The following DERA variants were observed in gnomAD, a reference collection of about 807,000 sequenced individuals.
The protein encoded by DERA is deoxyribose-phosphate aldolase.
Under a neutral mutation model 41.1 loss-of-function variants are expected in DERA, and 15 were observed. That is an observed-to-expected ratio of 0.37 (90% confidence interval 0.24 to 0.56). DERA has a LOEUF of 0.56. DERA is among the 20% of genes least tolerant of loss of function. The pLI, the probability that DERA is intolerant of heterozygous loss-of-function variation, is 0.81. For missense variants in DERA, 396 were observed against 403.4 expected (o/e 0.98, Z 0.16); for synonymous variants, 139 against 137.4 (o/e 1.01, Z -0.08).
intron 4 of DERA, 30 bp from the exon 5 acceptor site, chr12:15,962,782 CT>C (rs1948596865): frequency 1.1e-5 from 17 of 1,516,648 alleles, no homozygotes; most frequent in Non-Finnish European, 1.4e-5. Flanking sequence ...CTCCTTCCCT[CT>C]TTCTTCATTT....
In DERA at chr12:15,996,784, T is replaced by C. The variant is rs1428742661; in HGVS notation, c.637+14348T>C. 6.6e-6 allele frequency among the ~76,000 whole-genome samples: 1 copy of C among 152,196 alleles called. No homozygotes were observed. Among genetic ancestry groups the C allele is most frequent in the Admixed American group, 6.5e-5 (1 of 15,278 alleles). On this transcript the variant is annotated intron_variant, in intron 6 of 8. Transcript: ENST00000428559. This position sits in a 1 kb window ranked among gnomAD's most constrained non-coding sequence, Gnocchi z 4.7. ...AGAAGTTAGAGAAAAATATTTTGAC[T>C]CAAACCCAGCAAACTTGAATTCAGG...
At position 15,938,959 on chromosome 12, in the gene DERA, G is replaced by T. The variant is rs1376008096; in HGVS notation, c.32-17977G>T. On this transcript the variant is annotated intron_variant, in intron 1 of 8. Coordinates refer to ENST00000428559, the MANE Select transcript of DERA (RefSeq NM_015954.4). The surrounding 1 kb of genome is among the most constrained non-coding windows in gnomAD (Gnocchi z 4.1). ...TCTCCAGAGATGGACCACGTCTCTGGTATTGATGCCTTTGTGTAGTCCTGT... is the reference window on the plus strand; with the variant it reads ...TCTCCAGAGATGGACCACGTCTCTGTTATTGATGCCTTTGTGTAGTCCTGT... Among the ~76,000 whole-genome samples the T allele has an allele frequency of 6.6e-6, 1 of 152,162 alleles. No individual in the cohort carries two copies. Among genetic ancestry groups the T allele is most frequent in the Non-Finnish European group, 1.5e-5 (1 of 68,032 alleles).
At chr12:16,029,911 G>GTTTTTT (rs1225412717) in intron 6 of DERA, among the ~76,000 whole-genome samples, 1 of 67,916 alleles carries the variant, frequency 1.5e-5, no homozygotes, top group Non-Finnish European at 3.6e-5. Context: ...TGTAGCCTTG[G>GTTTTTT]TCTTTTTTTT....
In DERA at chr12:15,940,953, A is replaced by G. The variant is rs1266321789; in HGVS notation, c.32-15983A>G. 6.6e-6 allele frequency among the ~76,000 whole-genome samples: 1 copy of G among 152,200 alleles called. No homozygotes were observed. Among genetic ancestry groups the G allele is most frequent in the Non-Finnish European group, 1.5e-5 (1 of 68,042 alleles). On this transcript the variant is annotated intron_variant, in intron 1 of 8. Coordinates refer to ENST00000428559, the MANE Select transcript of DERA (RefSeq NM_015954.4). This position sits in a 1 kb window ranked among gnomAD's most constrained non-coding sequence, Gnocchi z 5.1. ...AAATGTTGAAAAACATTTTGTGCAA[A>G]TTGCAGATAATCAACTTTCCTGAGA...
rs1948270290 is a variant in DERA at position 15,924,828 on chromosome 12, C to G, written c.31+13414C>G. On this transcript the variant is annotated intron_variant, in intron 1 of 8. Transcript: ENST00000428559. This position sits in a 1 kb window ranked among gnomAD's most constrained non-coding sequence, Gnocchi z 5.0. ...AACACTGATCTGCTAAGATACTTTG[C>G]CTTCTTTTATGGTACCTACCAATTT... Among the ~76,000 whole-genome samples, 1 of 152,142 alleles carries G rather than the reference C, an allele frequency of 6.6e-6. No homozygotes were observed. The highest frequency in any genetic ancestry group is 2.4e-5 in the African/African-American group (1 of 41,430).
rs1948625920 is a variant in DERA at position 15,966,736 on chromosome 12, G to A, written c.508+3789G>A. Among the ~76,000 whole-genome samples, 1 of 151,960 alleles carries A rather than the reference G, an allele frequency of 6.6e-6. No homozygotes were observed. Among genetic ancestry groups the A allele is most frequent in the South Asian group, 2.1e-4 (1 of 4,800 alleles). On this transcript the variant is annotated intron_variant, in intron 5 of 8. Transcript: ENST00000428559. This position sits in a 1 kb window ranked among gnomAD's most constrained non-coding sequence, Gnocchi z 5.1. ...ATTTGCAAGCTCCTTCACCTCCTCT[G>A]TCATCCCTGAAGTGTCCATGTTTCT...
At chr12:15,912,917 A>G (rs1036607955) in intron 1 of DERA, among the ~76,000 whole-genome samples, 2 of 152,180 alleles carry the variant, frequency 1.3e-5, no homozygotes, top group South Asian at 2.1e-4. Context: ...CTAGCTGATT[A>G]TGTTTTAAAC....
At chr12:15,975,329 G>T (rs1356634553) in intron 5 of DERA, among the ~76,000 whole-genome samples, 1 of 152,124 alleles carries the variant, frequency 6.6e-6, no homozygotes, top group Non-Finnish European at 1.5e-5. Flanking sequence ...ATTAGTTTTT[G>T]GGTGGGGGCC....
At position 15,992,099 on chromosome 12, in the gene DERA, C is replaced by T. The variant is rs1374401845; in HGVS notation, c.637+9663C>T. On this transcript the variant is annotated intron_variant, in intron 6 of 8. Coordinates refer to ENST00000428559, the MANE Select transcript of DERA (RefSeq NM_015954.4). The surrounding 1 kb of genome is among the most constrained non-coding windows in gnomAD (Gnocchi z 4.3). ...TTTTTTTTTTCAAAACTGTGCTCTT[C>T]CCTGGGCTAAGGACCACACCTTCCT... Among the ~76,000 whole-genome samples, 1 of 149,822 alleles carries T rather than the reference C, an allele frequency of 6.7e-6. No individual in the cohort carries two copies. Among genetic ancestry groups the T allele is most frequent in the African/African-American group, 2.5e-5 (1 of 40,550 alleles).
In DERA at chr12:15,945,659, G is replaced by A. The variant is rs368086385; in HGVS notation, c.32-11277G>A. Among the ~76,000 whole-genome samples, 1,447 of 152,212 alleles carry A rather than the reference G, an allele frequency of 9.5e-3. 28 individuals carry two copies. The highest frequency in any genetic ancestry group is 0.033 in the African/African-American group (1,351 of 41,544). ...GATGGGGTTTTCTAGATATACAATC[G>A]TGTCATCTGCAAACAGGTACAATTT... On this transcript the variant is annotated intron_variant, in intron 1 of 8. Transcript: ENST00000428559.
chr12:15,994,553 A>G lies in DERA; in HGVS notation c.637+12117A>G, dbSNP rs1218450682. 6.6e-6 allele frequency among the ~76,000 whole-genome samples: 1 copy of G among 152,188 alleles called. No individual in the cohort carries two copies. Among genetic ancestry groups the G allele is most frequent in the Admixed American group, 6.5e-5 (1 of 15,278 alleles). On this transcript the variant is annotated intron_variant, in intron 6 of 8. Transcript: ENST00000428559. This position sits in a 1 kb window ranked among gnomAD's most constrained non-coding sequence, Gnocchi z 4.8. ...ACTGCAAGCTCTGCCTCCCGGGTTC[A>G]CGCCATTCTCCTGCCTCAGCCTCCT...
intron 1 of DERA, chr12:15,951,520 TA>T (rs1948497349): frequency 6.6e-6 from 1 of 152,232 alleles, no homozygotes; most frequent in East Asian, 1.9e-4. Flanking sequence ...TTACCTACTG[TA>T]GTCTGCCTTT....
Position 15,995,012 on chromosome 12 carries a change from CTGAG to C in DERA, c.637+12578_637+12581del, listed in dbSNP as rs1329639297. Among the ~76,000 whole-genome samples the C allele has an allele frequency of 2.0e-5, 3 of 152,190 alleles. No individual in the cohort carries two copies. Among genetic ancestry groups the C allele is most frequent in the Non-Finnish European group, 4.4e-5 (3 of 68,034 alleles). The stretch of plus-strand genomic sequence containing the variant: ...TAAGTGAATAGACCAAGGCCACACA[CTGAG>C]TAAGTGGCAGAATTTTCTGAAGGAC... On this transcript the variant is annotated intron_variant, in intron 6 of 8. Coordinates refer to ENST00000428559, the MANE Select transcript of DERA (RefSeq NM_015954.4). The surrounding 1 kb of genome is among the most constrained non-coding windows in gnomAD (Gnocchi z 5.1).
At chr12:16,023,456 G>GA (rs1299712709) in intron 6 of DERA, among the ~76,000 whole-genome samples, 1 of 130,162 alleles carries the variant, frequency 7.7e-6, no homozygotes, top group Admixed American at 7.6e-5. Flanking sequence ...CTAGAGGCAA[G>GA]AAAAAAAACT....
chr12:16,007,680 C>G (rs763764949), intron 6 of DERA, among the ~76,000 whole-genome samples: 6 of 152,126 alleles, frequency 3.9e-5, no homozygotes, highest in Non-Finnish European at 7.3e-5. Context: ...GGGGTTGTCT[C>G]CCCATGAAGG....
intron 6 of DERA, among the ~76,000 whole-genome samples, chr12:16,002,933 A>C (rs1948885584): frequency 6.6e-6 from 1 of 152,218 alleles, no homozygotes; most frequent in Non-Finnish European, 1.5e-5. Context: ...ATTCTGAAAT[A>C]TAAATGACCT....
At position 15,931,521 on chromosome 12, in the gene DERA, C is replaced by T. The variant is rs999137194; in HGVS notation, c.31+20107C>T. 2.6e-5 allele frequency among the ~76,000 whole-genome samples: 4 copies of T among 152,298 alleles called. No homozygotes were observed. The highest frequency in any genetic ancestry group is 5.9e-5 in the Non-Finnish European group (4 of 68,024). On this transcript the variant is annotated intron_variant, in intron 1 of 8. Transcript: ENST00000428559. This position sits in a 1 kb window ranked among gnomAD's most constrained non-coding sequence, Gnocchi z 4.6. ...TTTAGGTGCTTGACAAAACTGTCAT[C>T]AGAAGTTTTCCCAGAGTACATTAAG...
intron 5 of DERA, among the ~76,000 whole-genome samples, chr12:15,977,236 T>G (rs1948703386): frequency 6.6e-6 from 1 of 152,182 alleles, no homozygotes; most frequent in Non-Finnish European, 1.5e-5. Flanking sequence ...TTGACGAATC[T>G]GTTGCTCGAA....
Position 15,993,022 on chromosome 12 carries a change from G to C in DERA, c.637+10586G>C, listed in dbSNP as rs1280160822. Among the ~76,000 whole-genome samples, 2 of 152,104 alleles carry C rather than the reference G, an allele frequency of 1.3e-5. No homozygotes were observed. The highest frequency in any genetic ancestry group is 2.9e-5 in the Non-Finnish European group (2 of 68,008). On this transcript the variant is annotated intron_variant, in intron 6 of 8. Transcript: ENST00000428559. The surrounding 1 kb of genome is among the most constrained non-coding windows in gnomAD (Gnocchi z 4.4). ...GGGCTTGAGAAAAGCAGACCTTGAA[G>C]GAATACAAAATGAGTTTTGAACTTG...
Sources: allele counts gnomAD v4.1 joint callset (sites outside exome capture counted in the v4.1 genomes callset), GRCh38; gene constraint gnomAD v4.1.1; non-coding constraint Gnocchi (gnomAD v3.1); transcripts MANE v1.5; gene names NCBI Gene and HGNC (gene_info 2026-07-23, HGNC 2026-07-21).